The following CDH12 variants were observed in gnomAD, a reference collection of about 807,000 sequenced individuals.
CDH12 encodes the protein cadherin 12, also known as cadherin-12.
CDH12 carries 41 observed loss-of-function variants against 74.1 expected under a neutral mutation model. That is an observed-to-expected ratio of 0.55 (90% CI 0.43 to 0.72). CDH12 has a LOEUF of 0.72. Among genes scored for constraint, CDH12 ranks in the 30% least tolerant of loss-of-function variants. The pLI is 0.00. For missense variants in CDH12, 945 were observed against 977.2 expected, an observed-to-expected ratio of 0.97 and a Z score of 0.44; for synonymous variants, 399 against 355.0, an observed-to-expected ratio of 1.12 and a Z score of -1.39.
At chr5:22,823,871 G>A (rs1485622443) in intron 1 of CDH12, among the ~76,000 whole-genome samples, 1 of 152,088 alleles carries the variant, frequency 6.6e-6, no homozygotes, top group Non-Finnish European at 1.5e-5. Context: ...GCAGAACTGT[G>A]CATCAATTAA....
At chr5:21,983,458 C>T (rs1430360240) in intron 5 of CDH12, among the ~76,000 whole-genome samples, 1 of 151,894 alleles carries the variant, frequency 6.6e-6, no homozygotes, top group Non-Finnish European at 1.5e-5. Flanking sequence ...TGAATGTAGT[C>T]TAATTATTTA....
chr5:21,837,180 A>G (rs1749581798), intron 8 of CDH12, among the ~76,000 whole-genome samples: 1 of 152,052 alleles, frequency 6.6e-6, no homozygotes, highest in African/African-American at 2.4e-5. Context: ...TCTGTAGTGC[A>G]TGACACACAG....
intron 2 of CDH12, among the ~76,000 whole-genome samples, chr5:22,489,922 A>T (rs1746791394): frequency 6.6e-6 from 1 of 151,548 alleles, no homozygotes; most frequent in Admixed American, 6.6e-5. Context: ...CTCAAGTGAG[A>T]TCCTGCCTCG....
chr5:21,884,694 G>A (rs1173059844), intron 6 of CDH12, among the ~76,000 whole-genome samples: 1 of 152,142 alleles, frequency 6.6e-6, no homozygotes, highest in African/African-American at 2.4e-5. Context: ...TCTGTGGAGA[G>A]TGAGAATAGT....
chr5:22,062,503 A>G (rs1741260329), intron 5 of CDH12, among the ~76,000 whole-genome samples: 1 of 152,156 alleles, frequency 6.6e-6, no homozygotes, highest in Admixed American at 6.6e-5. Context: ...AGGCTTACCT[A>G]AAAACGCTTT....
chr5:21,764,778 C>T lies in CDH12; in HGVS notation c.1515+200G>A, dbSNP rs915584035. Among the ~76,000 whole-genome samples, 3 of 152,232 alleles carry T rather than the reference C, an allele frequency of 2.0e-5. No homozygotes were observed. The South Asian group carries it at 6.2e-4, about 32-fold the overall frequency. ...AACTTTCACTAAGCAATCAGTACTT[C>T]ATCTGTGCGGTATCACCTCCACATA... On this transcript the variant is annotated intron_variant, in intron 12 of 14. Coordinates refer to ENST00000382254, the MANE Select transcript of CDH12 (RefSeq NM_004061.5).
At position 22,051,660 on chromosome 5, in the gene CDH12, C is replaced by A. The variant is rs58513900; in HGVS notation, c.231+26786G>T. 5.2e-3 allele frequency among the ~76,000 whole-genome samples: 787 copies of A among 152,198 alleles called. 6 individuals carry two copies. Among genetic ancestry groups the A allele is most frequent in the African/African-American group, 0.018 (750 of 41,538 alleles). On this transcript the variant is annotated intron_variant, in intron 5 of 14. Transcript: ENST00000382254. ...ATATAAATTACTACAATAAAAGAGT[C>A]TTTCTTTTATCCACCAAAAATTATT...
chr5:22,497,597 G>A (rs1344330649), intron 2 of CDH12, among the ~76,000 whole-genome samples: 1 of 147,920 alleles, frequency 6.8e-6, no homozygotes, highest in Non-Finnish European at 1.5e-5. Context: ...AACCATCAAG[G>A]TCCTTCCAAT....
chr5:22,288,652 A>G (rs1213544137), intron 3 of CDH12, among the ~76,000 whole-genome samples: 1 of 152,198 alleles, frequency 6.6e-6, no homozygotes, highest in Non-Finnish European at 1.5e-5. Flanking sequence ...TGAGATGTAT[A>G]GACAAGAGGT....
Position 21,752,097 on chromosome 5 carries a change from G to A in CDH12, c.2025C>T (p.Ile675=), listed in dbSNP as rs759712735. The change falls in exon 15 of 15, where the codon ATC becomes ATT. Residue 675 remains isoleucine, a synonymous_variant. Transcript: ENST00000382254. ...GGEEDTQAFD[I]GALRNPKVIE... The stretch of plus-strand genomic sequence containing the variant: ...TCACTTTTGGGTTTCTCAGAGCCCC[G>A]ATGTCGAAAGCCTGGGTATCTTCCT... 2.5e-6 allele frequency: 4 copies of A among 1,613,916 alleles called. No homozygotes were observed. Among genetic ancestry groups the A allele is most frequent in the Non-Finnish European group, 3.4e-6 (4 of 1,179,990 alleles).
intron 5 of CDH12, among the ~76,000 whole-genome samples, chr5:22,060,748 G>T (rs374440115): frequency 6.1e-4 from 93 of 152,110 alleles, no homozygotes; most frequent in African/African-American, 2.1e-3. Flanking sequence ...TGTTTATATA[G>T]CAAACAACAT....
At chr5:22,671,198 T>A (rs1002969143) in intron 1 of CDH12, among the ~76,000 whole-genome samples, 10 of 152,086 alleles carry the variant, frequency 6.6e-5, no homozygotes, top group Non-Finnish European at 1.0e-4. Flanking sequence ...ACCACCACCA[T>A]AATCAATGTA....
intron 5 of CDH12, among the ~76,000 whole-genome samples, chr5:21,982,711 G>A (rs1757361679): frequency 6.6e-6 from 1 of 151,148 alleles, no homozygotes; most frequent in South Asian, 2.1e-4. Context: ...TGATAAATAA[G>A]CCTTCTAAGT....
chr5:22,302,764 CTAT>C (rs1429477850), intron 3 of CDH12, among the ~76,000 whole-genome samples: 2 of 151,924 alleles, frequency 1.3e-5, no homozygotes, highest in African/African-American at 4.8e-5. Flanking sequence ...GTAAAATGAA[CTAT>C]TGTTTATTGT....
chr5:21,896,757 C>T (rs1753143957), intron 6 of CDH12, among the ~76,000 whole-genome samples: 1 of 152,136 alleles, frequency 6.6e-6, no homozygotes, highest in African/African-American at 2.4e-5. Context: ...CTTAACACTG[C>T]CCGCTTCCCA....
At chr5:22,203,330 G>A (rs1476314602) in intron 4 of CDH12, among the ~76,000 whole-genome samples, 2 of 152,070 alleles carry the variant, frequency 1.3e-5, no homozygotes, top group Non-Finnish European at 2.9e-5. Context: ...CCGCATTTGA[G>A]TGCAATCATG....
intron 4 of CDH12, among the ~76,000 whole-genome samples, chr5:22,127,377 TGA>T (rs1286565702): frequency 6.6e-6 from 1 of 150,734 alleles, no homozygotes; most frequent in Non-Finnish European, 1.5e-5. Flanking sequence ...CTCGGGAGGC[TGA>T]GACAGGAGAA....
chr5:22,325,047 T>C (rs920255491), intron 3 of CDH12, among the ~76,000 whole-genome samples: 2 of 152,140 alleles, frequency 1.3e-5, no homozygotes, highest in Non-Finnish European at 2.9e-5. Context: ...TCAATATCAG[T>C]GGAAATCAGG....
chr5:22,723,494 G>C (rs1230109522), intron 1 of CDH12, among the ~76,000 whole-genome samples: 1 of 152,002 alleles, frequency 6.6e-6, no homozygotes, highest in African/African-American at 2.4e-5. Flanking sequence ...ATGTAAAGCA[G>C]CAGTTTAGTC....
Sources: allele counts gnomAD v4.1 joint callset (sites outside exome capture counted in the v4.1 genomes callset), GRCh38; gene constraint gnomAD v4.1.1; transcripts MANE v1.5; gene names NCBI Gene and HGNC (gene_info 2026-07-23, HGNC 2026-07-21).